Variants in DOCK3 observed in about 807,000 individuals in gnomAD.
DOCK3 encodes dedicator of cytokinesis protein 3.
Under a neutral mutation model 265.6 loss-of-function variants are expected in DOCK3, and 60 were observed. The observed-to-expected ratio is 0.23, with a 90% CI of 0.18 to 0.28. DOCK3 has a LOEUF of 0.28. DOCK3 is among the 10% of genes least tolerant of loss of function. DOCK3 has a pLI of 1.00. For synonymous variants in DOCK3, 881 were observed against 938.0 expected (o/e 0.94, Z 1.11); for missense variants, 1,981 against 2,594.3 (o/e 0.76, Z 5.14).
intron 14 of DOCK3, among the ~76,000 whole-genome samples, chr3:51,222,795 A>G (rs1055186572): frequency 1.3e-5 from 2 of 152,194 alleles, no homozygotes; most frequent in African/African-American, 4.8e-5. Context: ...TGAAAACTAC[A>G]GGAATATGTA....
chr3:51,355,152 G>A (rs1236171677), intron 41 of DOCK3, 129 bp downstream of exon 41: 2 of 1,309,270 alleles, frequency 1.5e-6, no homozygotes, highest in African/African-American at 3.0e-5. Flanking sequence ...AAACCTGAGT[G>A]TGTCCTCATT....
intron 2 of DOCK3, among the ~76,000 whole-genome samples, chr3:50,829,999 T>C (rs138101073): frequency 2.6e-5 from 4 of 152,210 alleles, no homozygotes; most frequent in African/African-American, 9.7e-5. Context: ...ATTGTGTAAA[T>C]TTTTCAGTGC....
chr3:51,256,090 G>T (rs901457256), intron 22 of DOCK3, among the ~76,000 whole-genome samples: 8 of 152,170 alleles, frequency 5.3e-5, no homozygotes, highest in Non-Finnish European at 1.2e-4. Flanking sequence ...CCTTCTAACA[G>T]TCAGGACCCT....
At chr3:51,161,399 A>G (rs558087862) in intron 12 of DOCK3, among the ~76,000 whole-genome samples, 6 of 151,550 alleles carry the variant, frequency 4.0e-5, no homozygotes, top group South Asian at 4.2e-4. Flanking sequence ...AGCTGAGATC[A>G]TGCCACTGCA....
At chr3:51,115,993 A>T (rs898829781) in intron 9 of DOCK3, among the ~76,000 whole-genome samples, 1 of 151,968 alleles carries the variant, frequency 6.6e-6, no homozygotes, top group Non-Finnish European at 1.5e-5. Flanking sequence ...CTTCTGTTCC[A>T]TTGGTCTATA....
intron 3 of DOCK3, among the ~76,000 whole-genome samples, chr3:50,856,631 G>T (rs2046614130): frequency 6.6e-6 from 1 of 152,000 alleles, no homozygotes; most frequent in Non-Finnish European, 1.5e-5. Context: ...TCTGTAGGTT[G>T]TCTGTTTATT....
rs529031027 is a variant in DOCK3, at chr3:51,068,560, A to AAAAAAAAAAGAAG, written c.464+3966_464+3967insAAAAAAAGAAGAA. On this transcript the variant is annotated intron_variant, in intron 6 of 52. Coordinates refer to ENST00000266037, the MANE Select transcript of DOCK3 (RefSeq NM_004947.5). ...GTCTGAAAAAAAAAAAAAAAAAAAAAAAGAAGAAGAAGAAATGCTGCTATG... is the reference window on the plus strand; with the variant it reads ...GTCTGAAAAAAAAAAAAAAAAAAAAAAAAAAAAAAGAAGAAGAAGAAGAAGAAATGCTGCTATG... Among the ~76,000 whole-genome samples the AAAAAAAAAAGAAG allele has an allele frequency of 3.4e-4, 28 of 82,444 alleles. 1 individual carries two copies. Among genetic ancestry groups the AAAAAAAAAAGAAG allele is most frequent in the Admixed American group, 5.4e-4 (3 of 5,518 alleles). The allele number at this position is 82,444 out of a possible 152,430, so 54.1% of individuals were successfully genotyped here.
chr3:51,297,944 C>T (rs1253871402), intron 27 of DOCK3, among the ~76,000 whole-genome samples: 1 of 151,878 alleles, frequency 6.6e-6, no homozygotes, highest in Non-Finnish European at 1.5e-5. Flanking sequence ...TATGATTGTG[C>T]CACTGCAGTC....
intron 2 of DOCK3, among the ~76,000 whole-genome samples, chr3:50,798,131 CTGTT>C: frequency 6.6e-6 from 1 of 152,228 alleles, no homozygotes; most frequent in Middle Eastern, 3.4e-3. Context: ...CAGGTGGAAT[CTGTT>C]ACATGCGAGG....
At chr3:51,180,529 T>G (rs2087229546) in intron 12 of DOCK3, among the ~76,000 whole-genome samples, 1 of 152,180 alleles carries the variant, frequency 6.6e-6, no homozygotes, top group Non-Finnish European at 1.5e-5. Flanking sequence ...CCTGTCTGCT[T>G]CTTTTTCACG....
At chr3:50,998,005 GT>G (rs1158987111) in intron 5 of DOCK3, among the ~76,000 whole-genome samples, 2 of 152,114 alleles carry the variant, frequency 1.3e-5, no homozygotes, top group African/African-American at 4.8e-5. Context: ...AGAATATAAT[GT>G]TGGGGTACTA....
chr3:50,869,656 G>A (rs2047342527), intron 3 of DOCK3, among the ~76,000 whole-genome samples: 1 of 151,808 alleles, frequency 6.6e-6, no homozygotes, highest in Non-Finnish European at 1.5e-5. Context: ...ACAGGTGTGA[G>A]CCACCATGTG....
chr3:50,706,653 T>G (rs1421383141), intron 1 of DOCK3, among the ~76,000 whole-genome samples: 1 of 152,194 alleles, frequency 6.6e-6, no homozygotes, highest in Non-Finnish European at 1.5e-5. Flanking sequence ...ACTTGGAAAG[T>G]TTTCAGTTAT....
chr3:51,351,949 G>A (rs563716544), intron 40 of DOCK3, among the ~76,000 whole-genome samples: 6 of 152,152 alleles, frequency 3.9e-5, no homozygotes, highest in African/African-American at 7.2e-5. Context: ...GAGCCAATGC[G>A]CCCAGCCAGG....
chr3:50,727,691 C>T (rs1410111612), intron 1 of DOCK3, among the ~76,000 whole-genome samples: 5 of 151,948 alleles, frequency 3.3e-5, no homozygotes, highest in Admixed American at 1.3e-4. Flanking sequence ...GAGTGAGGCT[C>T]CTCAAACAAA....
chr3:50,985,287 T>C (rs1316739885), intron 5 of DOCK3, among the ~76,000 whole-genome samples: 2 of 152,322 alleles, frequency 1.3e-5, no homozygotes, highest in East Asian at 3.9e-4. Context: ...ACAGTGAAAA[T>C]GTGTATACAA....
In DOCK3 at chr3:51,359,114, AT is replaced by A. The variant is rs1442803408; in HGVS notation, c.4884+1039del. Among the ~76,000 whole-genome samples, 1 of 152,208 alleles carries A rather than the reference AT, an allele frequency of 6.6e-6. No individual in the cohort carries two copies. On this transcript the variant is annotated intron_variant, in intron 46 of 52. Transcript: ENST00000266037. This position sits in a 1 kb window ranked among gnomAD's most constrained non-coding sequence, Gnocchi z 4.8. ...TGCACGAGGTTGTCATGAGCAAAAAATTCCCCCTCTAGGGATAACCATGGCC... is the reference window on the plus strand; with the variant it reads ...TGCACGAGGTTGTCATGAGCAAAAAATCCCCCTCTAGGGATAACCATGGCC...
intron 9 of DOCK3, among the ~76,000 whole-genome samples, chr3:51,144,795 G>A (rs1236337823): frequency 6.6e-6 from 1 of 152,180 alleles, no homozygotes; most frequent in East Asian, 1.9e-4. Context: ...ACAATTTGTA[G>A]ACGGACCAAA....
chr3:51,373,317 A>G (rs537134642), intron 49 of DOCK3, among the ~76,000 whole-genome samples: 12 of 152,300 alleles, frequency 7.9e-5, no homozygotes, highest in African/African-American at 2.9e-4. Flanking sequence ...GCTGGAGCCC[A>G]TGGGTTGGTC....
Sources: allele counts gnomAD v4.1 joint callset (sites outside exome capture counted in the v4.1 genomes callset), GRCh38; gene constraint gnomAD v4.1.1; non-coding constraint Gnocchi (gnomAD v3.1); transcripts MANE v1.5; gene names NCBI Gene and HGNC (gene_info 2026-07-23, HGNC 2026-07-21).